SERTAD2: variants seen among roughly 807,000 people sequenced by gnomAD.
SERTAD2 encodes the protein SERTA domain-containing protein 2.
Under a neutral mutation model 15.4 loss-of-function variants are expected in SERTAD2, and 2 were observed. The ratio of observed to expected loss-of-function variants is 0.13; its 90% CI spans 0.05 to 0.41. The LOEUF (loss-of-function observed/expected upper bound fraction) is 0.41, where lower values mean the gene tolerates loss of function less well. Ranked by LOEUF, SERTAD2 falls within the 10% of genes least tolerant of loss-of-function variation. The pLI is 0.99. For synonymous variants in SERTAD2, 180 were observed against 178.0 expected (o/e 1.01, Z -0.09); for missense variants, 333 against 409.7 (o/e 0.81, Z 1.62).
intron 1 of SERTAD2, among the ~76,000 whole-genome samples, chr2:64,643,464 G>A (rs1674821014): frequency 6.6e-6 from 1 of 152,190 alleles, no homozygotes; most frequent in South Asian, 2.1e-4. Context: ...CTGCACACGC[G>A]GGATCCTGCA....
intron 1 of SERTAD2, among the ~76,000 whole-genome samples, chr2:64,645,392 G>GAA (rs11405113): frequency 1.0e-4 from 15 of 149,670 alleles, no homozygotes; most frequent in Admixed American, 1.3e-4. Context: ...AGAAGAAGAA[G>GAA]AAAAAAAAAG....
In SERTAD2 at chr2:64,636,687, G is replaced by T. The variant is rs147885233; in HGVS notation, c.185C>A (p.Thr62Asn). The T allele has an allele frequency of 1.1e-5, 18 of 1,614,012 alleles. No individual in the cohort carries two copies. The highest frequency in any genetic ancestry group is 1.0e-4 in the Admixed American group (6 of 60,008). The part of the protein sequence containing the change: ...RPLTEPSLQK[T>N]VLINNMLRRI... ...CCTCAACATGTTGTTAATTAAAACG[G>T]TCTTTTGCAAGCTGGGCTCTGTCAG... Residue 62 changes from threonine (T) to asparagine (N), a missense_variant, in exon 2 of 2, where the codon ACC (threonine) becomes AAC (asparagine). This residue lies in a region of SERTAD2 where 332 missense variants were observed against 392.9 expected (regional missense o/e 0.84). Coordinates refer to ENST00000313349, the MANE Select transcript of SERTAD2 (RefSeq NM_014755.3).
At chr2:64,650,021 T>C (rs1286161293) in intron 1 of SERTAD2, among the ~76,000 whole-genome samples, 1 of 152,130 alleles carries the variant, frequency 6.6e-6, no homozygotes, top group African/African-American at 2.4e-5. Flanking sequence ...GGAATACAGC[T>C]TAGGTGATCT....
intron 1 of SERTAD2, among the ~76,000 whole-genome samples, chr2:64,642,777 GACC>G (rs1326814481): frequency 6.6e-6 from 1 of 152,156 alleles, no homozygotes; most frequent in Non-Finnish European, 1.5e-5. Flanking sequence ...GCCCTCCTCA[GACC>G]ACCAAGGCTG....
intron 1 of SERTAD2, chr2:64,645,014 T>C (rs988209343): frequency 3.4e-5 from 5 of 146,408 alleles, no homozygotes; most frequent in East Asian, 2.0e-4. Flanking sequence ...ACAGAACTCA[T>C]GAAGTTCTAT....
chr2:64,638,254 T>C (rs1375618851), intron 1 of SERTAD2, among the ~76,000 whole-genome samples: 4 of 152,242 alleles, frequency 2.6e-5, no homozygotes, highest in Non-Finnish European at 5.9e-5. Context: ...CTTCAGCTGA[T>C]TGATCACACC....
At chr2:64,642,392 A>G (rs914264068) in intron 1 of SERTAD2, among the ~76,000 whole-genome samples, 16 of 152,194 alleles carry the variant, frequency 1.1e-4, no homozygotes, top group African/African-American at 3.9e-4. Context: ...ATCTCCCACT[A>G]CTACATTTTG....
intron 1 of SERTAD2, among the ~76,000 whole-genome samples, chr2:64,651,608 G>T (rs1404184320): frequency 2.0e-5 from 3 of 152,118 alleles, no homozygotes. Flanking sequence ...GTAGCAACTG[G>T]GCAAAATTCA....
rs1674553123 is a variant in SERTAD2, at chr2:64,632,383, TATTTC to T, written c.*3539_*3543del. The T allele has an allele frequency of 6.6e-6, 1 of 152,610 alleles. No homozygotes were observed. The highest frequency in any genetic ancestry group is 1.5e-5 in the Non-Finnish European group (1 of 68,032). 9.5% of individuals were successfully genotyped at this position (152,610 alleles called of 1,614,324 possible). A position where few individuals can be genotyped will look rare whatever the true frequency, so the allele number is the denominator to read the frequency against. ...GTTGATACTTTGGCTCTTTGGAGCT[TATTTC>T]ATTAAGAAATTTTCCTTGATTGACC... On this transcript the variant is annotated 3_prime_UTR_variant, in exon 2 of 2. Coordinates refer to ENST00000313349, the MANE Select transcript of SERTAD2 (RefSeq NM_014755.3).
intron 1 of SERTAD2, among the ~76,000 whole-genome samples, chr2:64,652,507 T>C (rs1388107388): frequency 3.9e-5 from 6 of 152,230 alleles, no homozygotes; most frequent in Non-Finnish European, 8.8e-5. Flanking sequence ...CTAGCCTCTT[T>C]ACACACATTA....
At chr2:64,651,086 C>A (rs1334436719) in intron 1 of SERTAD2, among the ~76,000 whole-genome samples, 1 of 152,186 alleles carries the variant, frequency 6.6e-6, no homozygotes, top group Non-Finnish European at 1.5e-5. Flanking sequence ...AAGTTCATGG[C>A]CCCAAATACG....
In SERTAD2 at chr2:64,634,849, CAAAA is replaced by C. The variant is rs1674621715; in HGVS notation, c.*1074_*1077del. ...AAAGATCTGGGTTTTCATTAAAAAA[CAAAA>C]TAAAAACAATTAAAAGCGCAAACTT... is the stretch of plus-strand genomic sequence containing the variant. On this transcript the variant is annotated 3_prime_UTR_variant, in exon 2 of 2. Coordinates refer to ENST00000313349, the MANE Select transcript of SERTAD2 (RefSeq NM_014755.3). The C allele has an allele frequency of 6.6e-6, 1 of 152,520 alleles. No individual in the cohort carries two copies. The highest frequency in any genetic ancestry group is 6.5e-5 in the Admixed American group (1 of 15,274). The allele number at this position is 152,520 out of a possible 1,614,324, so 9.4% of individuals were successfully genotyped here. A position where few individuals can be genotyped will look rare whatever the true frequency, so the allele number is the denominator to read the frequency against.
Position 64,635,879 on chromosome 2 carries a change from G to A in SERTAD2, c.*48C>T. 7.0e-7 allele frequency: 1 copy of A among 1,426,976 alleles called. No homozygotes were observed. Among genetic ancestry groups the A allele is most frequent in the East Asian group, 2.3e-5 (1 of 43,640 alleles). The allele number at this position is 1,426,976 out of a possible 1,614,324, so 88.4% of individuals were successfully genotyped here. ...CAGTGTGGAGAACTGTCAGGGTTAT[G>A]GGAACGCTCTGGGGTCTGGGTGGGC... On this transcript the variant is annotated 3_prime_UTR_variant, in exon 2 of 2. Coordinates refer to ENST00000313349, the MANE Select transcript of SERTAD2 (RefSeq NM_014755.3).
intron 1 of SERTAD2, among the ~76,000 whole-genome samples, chr2:64,645,968 T>C (rs1674892464): frequency 6.6e-6 from 1 of 152,208 alleles, no homozygotes; most frequent in South Asian, 2.1e-4. Flanking sequence ...AAAAATGCTT[T>C]GTTTTCTCAG....
At chr2:64,647,450 C>T (rs1467117552) in intron 1 of SERTAD2, among the ~76,000 whole-genome samples, 1 of 152,070 alleles carries the variant, frequency 6.6e-6, no homozygotes, top group Non-Finnish European at 1.5e-5. Context: ...GACTAGCCAG[C>T]ATTGCCCAAC....
intron 1 of SERTAD2, among the ~76,000 whole-genome samples, chr2:64,637,525 T>C (rs1674686375): frequency 6.6e-6 from 1 of 152,234 alleles, no homozygotes. Flanking sequence ...ACTTTTCATT[T>C]AGAATCAAGG....
At chr2:64,645,955 T>A (rs1284432709) in intron 1 of SERTAD2, among the ~76,000 whole-genome samples, 3 of 151,858 alleles carry the variant, frequency 2.0e-5, no homozygotes, top group Non-Finnish European at 4.4e-5. Flanking sequence ...AAAAAAAAAT[T>A]AGAAAAATGC....
intron 1 of SERTAD2, among the ~76,000 whole-genome samples, chr2:64,650,045 T>C (rs373090356): frequency 1.1e-4 from 16 of 152,310 alleles, no homozygotes; most frequent in African/African-American, 3.4e-4. Flanking sequence ...GTTTCCAAAA[T>C]AGATCAATCA....
Position 64,636,779 on chromosome 2 carries a change from C to T in SERTAD2, c.93G>A (p.Val31=). The change falls in exon 2 of 2, where the codon GTG becomes GTA. Residue 31 remains valine, a synonymous_variant. Coordinates refer to ENST00000313349, the MANE Select transcript of SERTAD2 (RefSeq NM_014755.3). ...IVSPCDGPSK[V]SYTLQRQTIF... ...TAGTCTGGCGCTGTAAGGTGTAAGA[C>T]ACCTTGGATGGACCGTCACAGGGAG... The T allele has an allele frequency of 6.2e-7, 1 of 1,614,178 alleles. No homozygotes were observed.
Sources: allele counts gnomAD v4.1 joint callset (sites outside exome capture counted in the v4.1 genomes callset), GRCh38; gene constraint gnomAD v4.1.1; regional missense constraint gnomAD v4.1.1; transcripts MANE v1.5; gene names NCBI Gene and HGNC (gene_info 2026-07-23, HGNC 2026-07-21).